ZFR2: variants seen among roughly 807,000 people sequenced by gnomAD.
The protein encoded by ZFR2 is zinc finger RNA-binding protein 2.
ZFR2 carries 104 observed loss-of-function variants against 105.7 expected under a neutral mutation model. The ratio of observed to expected loss-of-function variants is 0.98; its 90% confidence interval spans 0.84 to 1.16. The LOEUF is 1.16. ZFR2 is among the 50% of genes most tolerant of loss of function. ZFR2 has a pLI of 0.00. For synonymous variants in ZFR2, 634 were observed against 597.7 expected, an observed-to-expected ratio of 1.06 and a Z score of -0.89; for missense variants, 1,425 against 1,355.5, an observed-to-expected ratio of 1.05 and a Z score of -0.80.
Position 3,806,065 on chromosome 19 carries a change from G to A in ZFR2, c.2704C>T (p.Pro902Ser), listed in dbSNP as rs756265251. 6.5e-7 allele frequency: 1 copy of A among 1,531,930 alleles called. No individual in the cohort carries two copies. Among genetic ancestry groups the A allele is most frequent in the Admixed American group, 2.0e-5 (1 of 49,902 alleles). 94.9% of individuals were successfully genotyped at this position (1,531,930 alleles called of 1,614,324 possible). The change falls in exon 19 of 19, where the codon CCG (proline) becomes TCG (serine). Residue 902 changes from proline (P) to serine (S), a missense_variant. By Grantham distance (74) the Pro-to-Ser change is moderately conservative. Coordinates refer to ENST00000262961, the MANE Select transcript of ZFR2 (RefSeq NM_015174.2). ...CGGGCCCCCAGCCGGTGTCTGGGCG[G>A]CAGGAGATCCATGCCCAGGACCTTG... Reference protein sequence around the residue: ...THKVLGMDLLPPRHRLGARFR... With the variant: ...THKVLGMDLLSPRHRLGARFR...
chr19:3,864,987 G>T (rs1265195541), intron 1 of ZFR2, among the ~76,000 whole-genome samples: 2 of 152,010 alleles, frequency 1.3e-5, no homozygotes, highest in Non-Finnish European at 2.9e-5. Flanking sequence ...GACCTCAGGT[G>T]ATCTACCCGC....
At chr19:3,855,305 GA>G (rs890525215) in intron 1 of ZFR2, 226 of 1,092,966 alleles carry the variant, frequency 2.1e-4, no homozygotes, top group Admixed American at 3.0e-4. Flanking sequence ...TGGCTAAGCT[GA>G]AAAAAAAAGT....
rs2037875599 is a variant in ZFR2 at position 3,820,281 on chromosome 19, C to G, written c.1641G>C (p.Glu547Asp). 1 of 1,544,754 alleles carries G rather than the reference C, an allele frequency of 6.5e-7. No individual in the cohort carries two copies. Among genetic ancestry groups the G allele is most frequent in the Non-Finnish European group, 8.7e-7 (1 of 1,145,980 alleles). The change falls in exon 11 of 19, where the codon GAG (glutamate) becomes GAC (aspartate). Residue 547 changes from glutamate (E) to aspartate (D), a missense_variant. Transcript: ENST00000262961. ...GCGGCACGTCCTGGGGTGGCTCCTC[C>G]TCCAGCCGCCTGCAGGACCGAGACG... ...RRWHAERRRL[E>D]EEPPQDVPPH...
intron 3 of ZFR2, among the ~76,000 whole-genome samples, chr19:3,832,276 A>G (rs2038025388): frequency 6.6e-6 from 1 of 151,972 alleles, no homozygotes; most frequent in Non-Finnish European, 1.5e-5. Flanking sequence ...CTGAGCAGCC[A>G]GCTCTGAGGC....
At chr19:3,863,439 G>GT (rs2038395145) in intron 1 of ZFR2, among the ~76,000 whole-genome samples, 1 of 151,980 alleles carries the variant, frequency 6.6e-6, no homozygotes. Context: ...TTTTTTTATT[G>GT]TTTTTTGAGA....
intron 5 of ZFR2, among the ~76,000 whole-genome samples, chr19:3,828,959 A>C (rs2037981401): frequency 7.7e-6 from 1 of 129,626 alleles, no homozygotes; most frequent in South Asian, 2.4e-4. Flanking sequence ...GGAACTTAGG[A>C]ATCTTTTTTT....
chr19:3,869,009 C>A lies in ZFR2; in HGVS notation c.9G>T (p.Thr3=). The A allele has an allele frequency of 7.3e-7, 1 of 1,371,650 alleles. No individual in the cohort carries two copies. The highest frequency in any genetic ancestry group is 9.5e-7 in the Non-Finnish European group (1 of 1,052,078). 85.0% of individuals were successfully genotyped at this position (1,371,650 alleles called of 1,614,324 possible). A position where few individuals can be genotyped will look rare whatever the true frequency, so the allele number is the denominator to read the frequency against. ...CCTGCGCGAAGTCGAAATACTGACT[C>A]GTCGCCATCTTGGCGTCTTCCCCGA... MA[T]SQYFDFAQGG... The change falls in exon 1 of 19, where the codon ACG becomes ACT. Residue 3 remains threonine, a synonymous_variant. Coordinates refer to ENST00000262961, the MANE Select transcript of ZFR2 (RefSeq NM_015174.2).
At position 3,868,973 on chromosome 19, in the gene ZFR2, C is replaced by A. The variant is rs1057408649; in HGVS notation, c.45G>T (p.Pro15=). The A allele has an allele frequency of 2.2e-6, 3 of 1,355,238 alleles. No homozygotes were observed. Among genetic ancestry groups the A allele is most frequent in the Admixed American group, 3.3e-5 (1 of 30,716 alleles). 84.0% of individuals were successfully genotyped at this position (1,355,238 alleles called of 1,614,324 possible). A position where few individuals can be genotyped will look rare whatever the true frequency, so the allele number is the denominator to read the frequency against. The part of the protein sequence containing the change: ...QYFDFAQGGG[P]QYSAQPPTLP... Reference sequence around the variant, plus strand: ...CGCGGCGGGGCAGTTACCTGTACTGCGGGCCGCCGCCCTGCGCGAAGTCGA... The same window carrying A: ...CGCGGCGGGGCAGTTACCTGTACTGAGGGCCGCCGCCCTGCGCGAAGTCGA... Residue 15 remains proline, a synonymous_variant, in exon 1 of 19, where the codon CCG becomes CCT. Coordinates refer to ENST00000262961, the MANE Select transcript of ZFR2 (RefSeq NM_015174.2).
intron 16 of ZFR2, among the ~76,000 whole-genome samples, chr19:3,810,006 A>G (rs980751955): frequency 6.6e-6 from 1 of 152,234 alleles, no homozygotes; most frequent in East Asian, 1.9e-4. Context: ...CAAACAGAAC[A>G]AAACAAACAA....
intron 1 of ZFR2, among the ~76,000 whole-genome samples, chr19:3,839,543 A>G (rs1428876710): frequency 2.9e-4 from 3 of 10,200 alleles, no homozygotes; most frequent in Non-Finnish European, 4.1e-4. Flanking sequence ...TGTCAAAAAA[A>G]AAAAAAAAAA....
intron 18 of ZFR2, 23 bp downstream of exon 18, chr19:3,807,149 T>A (rs757359211): frequency 2.6e-6 from 4 of 1,537,476 alleles, no homozygotes; most frequent in Non-Finnish European, 3.5e-6. Context: ...GGTGTCACCC[T>A]TGCCGTGACT....
Position 3,838,556 on chromosome 19 carries a change from G to A in ZFR2, c.54-3573C>T, listed in dbSNP as rs1235115609. 6.6e-6 allele frequency among the ~76,000 whole-genome samples: 1 copy of A among 152,124 alleles called. No homozygotes were observed. The highest frequency in any genetic ancestry group is 2.4e-5 in the African/African-American group (1 of 41,420). On this transcript the variant is annotated intron_variant, in intron 1 of 18. Transcript: ENST00000262961. This position sits in a 1 kb window ranked among gnomAD's most constrained non-coding sequence, Gnocchi z 4.9. ...CATTTCTTTGTCCTCCTGGCAGCCA[G>A]AGAGGGGTCTTTTCAAAGTACAGCC... is the stretch of plus-strand genomic sequence containing the variant.
Position 3,807,153 on chromosome 19 carries a change from C to G in ZFR2, c.2643+19G>C. On this transcript the variant is annotated intron_variant, in intron 18 of 18. Coordinates refer to ENST00000262961, the MANE Select transcript of ZFR2 (RefSeq NM_015174.2). Reference sequence around the variant, plus strand: ...GCTGGGGCCTGGGTGTCACCCTTGCCGTGACTTGACCCTCCTACCTGGGCG... The same window carrying G: ...GCTGGGGCCTGGGTGTCACCCTTGCGGTGACTTGACCCTCCTACCTGGGCG... 6.5e-7 allele frequency: 1 copy of G among 1,542,846 alleles called. No homozygotes were observed. Among genetic ancestry groups the G allele is most frequent in the Non-Finnish European group, 8.8e-7 (1 of 1,140,240 alleles).
chr19:3,828,176 ACT>A (rs1337044182), intron 5 of ZFR2, among the ~76,000 whole-genome samples: 1 of 106,392 alleles, frequency 9.4e-6, no homozygotes, highest in Non-Finnish European at 2.0e-5. Flanking sequence ...ACAGGGTCTC[ACT>A]CTGTCACCCA....
chr19:3,812,651 G>A (rs1002243544), intron 14 of ZFR2, among the ~76,000 whole-genome samples: 3 of 152,036 alleles, frequency 2.0e-5, no homozygotes, highest in Non-Finnish European at 4.4e-5. Context: ...ACAGCCTTCA[G>A]CTAGCGCCAA....
chr19:3,864,841 G>A (rs1008741567), intron 1 of ZFR2, among the ~76,000 whole-genome samples: 5 of 151,926 alleles, frequency 3.3e-5, no homozygotes, highest in Admixed American at 2.6e-4. Context: ...TCCACCTCCC[G>A]GGTTCAAGCA....
Position 3,805,898 on chromosome 19 carries a change from C to A in ZFR2, c.*51G>T. ...AAGCAGCCATTGGTCGGCGCGCACA[C>A]GTCCAGGAGTGCAGGGATGCAAAGG... On this transcript the variant is annotated 3_prime_UTR_variant, in exon 19 of 19. Transcript: ENST00000262961. The A allele has an allele frequency of 6.8e-7, 1 of 1,466,744 alleles. No individual in the cohort carries two copies. The highest frequency in any genetic ancestry group is 9.0e-7 in the Non-Finnish European group (1 of 1,113,112). 90.9% of individuals were successfully genotyped at this position (1,466,744 alleles called of 1,614,324 possible).
At chr19:3,867,154 C>T (rs1242996573) in intron 1 of ZFR2, among the ~76,000 whole-genome samples, 1 of 145,348 alleles carries the variant, frequency 6.9e-6, no homozygotes, top group Non-Finnish European at 1.5e-5. Context: ...GGGGCAAAGA[C>T]CCCCCTGAGC....
At chr19:3,860,672 G>C (rs2038363038) in intron 1 of ZFR2, among the ~76,000 whole-genome samples, 1 of 152,152 alleles carries the variant, frequency 6.6e-6, no homozygotes, top group Non-Finnish European at 1.5e-5. Context: ...TCACGCTAGA[G>C]AAGGCATTAG....
Sources: allele counts gnomAD v4.1 joint callset (sites outside exome capture counted in the v4.1 genomes callset), GRCh38; gene constraint gnomAD v4.1.1; non-coding constraint Gnocchi (gnomAD v3.1); transcripts MANE v1.5; gene names NCBI Gene and HGNC (gene_info 2026-07-23, HGNC 2026-07-21).